Variants in KLHL4 observed in about 807,000 individuals in gnomAD.
KLHL4 encodes kelch-like protein 4.
In KLHL4, 17 loss-of-function variants were observed where a neutral mutation model predicts 45.8. That is an observed-to-expected ratio of 0.37 (90% CI 0.25 to 0.56). KLHL4 has a LOEUF of 0.56. KLHL4 is among the 20% of genes least tolerant of loss of function. The pLI, the probability that KLHL4 is intolerant of heterozygous loss-of-function variation, is 0.79. For missense variants in KLHL4, 544 were observed against 544.9 expected (o/e 1.00, Z 0.02); for synonymous variants, 224 against 189.9 (o/e 1.18, Z -1.47).
chrX:87,669,422 G>A lies in KLHL4; in HGVS notation c.*2888G>A. ...TCAGATCCTTTCTCCACACAGCAAT[G>A]ACATTTATCAATCTGACTCAGGTGT... On this transcript the variant is annotated 3_prime_UTR_variant, in exon 11 of 11. Transcript: ENST00000373119. 1 of 1,205,925 alleles carries A rather than the reference G, an allele frequency of 8.3e-7. No individual in the cohort carries two copies. The highest frequency in any genetic ancestry group is 1.1e-6 in the Non-Finnish European group (1 of 892,645).
chrX:87,563,597 C>A lies in KLHL4; in HGVS notation c.422+45282C>A, dbSNP rs1468345631. Reference sequence around the variant, plus strand: ...ACAGGCTATTTGAAAATACACAGTCCAAAGGAGACAAAAAAAAAAAAAAGG... The same window carrying A: ...ACAGGCTATTTGAAAATACACAGTCAAAAGGAGACAAAAAAAAAAAAAAGG... On this transcript the variant is annotated intron_variant, in intron 1 of 10. Transcript: ENST00000373119. Among the ~76,000 whole-genome samples the A allele has an allele frequency of 5.5e-5, 4 of 72,499 alleles. No homozygotes were observed. In the Admixed American group the frequency reaches 6.0e-4, roughly 11 times the overall value. The allele number at this position is 72,499 out of a possible 115,157, so 63.0% of individuals were successfully genotyped here.
At chrX:87,550,229 C>A (rs1394638794) in intron 1 of KLHL4, among the ~76,000 whole-genome samples, 2 of 110,595 alleles carry the variant, frequency 1.8e-5, no homozygotes, top group African/African-American at 6.6e-5. Context: ...CCTGAGCCGA[C>A]CAATAACAAG....
At chrX:87,632,144 T>C in intron 6 of KLHL4, 66 bp from the exon 7 acceptor site, 2 of 654,689 alleles carry the variant, frequency 3.1e-6, no homozygotes, top group Non-Finnish European at 4.8e-6. Context: ...AATTATAATG[T>C]GAATAATACC....
chrX:87,553,499 A>G (rs1323176768), intron 1 of KLHL4, among the ~76,000 whole-genome samples: 1 of 110,690 alleles, frequency 9.0e-6, no homozygotes, highest in Non-Finnish European at 1.9e-5. Context: ...ACAAATACCA[A>G]TTTTTGCATT....
intron 9 of KLHL4, among the ~76,000 whole-genome samples, chrX:87,658,006 G>T: frequency 8.9e-6 from 1 of 112,202 alleles, no homozygotes; most frequent in East Asian, 2.8e-4. Flanking sequence ...AATTTAGCAG[G>T]CGGCAGTGAG....
chrX:87,584,281 C>T (rs1462372346), intron 1 of KLHL4, among the ~76,000 whole-genome samples: 2 of 111,687 alleles, frequency 1.8e-5, no homozygotes, highest in Non-Finnish European at 3.8e-5. Flanking sequence ...AATAAATAGC[C>T]AACTCTTCAA....
Position 87,622,354 on chromosome X carries a change from T to C in KLHL4, c.1068T>C (p.Asp356=), listed in dbSNP as rs749168656. The C allele has an allele frequency of 8.3e-7, 1 of 1,209,999 alleles. No individual in the cohort carries two copies. Among genetic ancestry groups the C allele is most frequent in the Non-Finnish European group, 1.1e-6 (1 of 894,102 alleles). Residue 356 remains aspartate (D), a synonymous_variant, in exon 5 of 11, where the codon GAT becomes GAC. Transcript: ENST00000373119. The stretch of plus-strand genomic sequence containing the variant: ...CTCTAATGCAGTGGGTGGGGCATGA[T>C]GTGCAGAATAGGCAAGGAGAACTGG... ...FHALMQWVGH[D]VQNRQGELGM... is the part of the protein sequence containing the mutation.
chrX:87,625,324 G>A (rs764227718), intron 5 of KLHL4, among the ~76,000 whole-genome samples: 15 of 111,490 alleles, frequency 1.3e-4, no homozygotes, highest in Non-Finnish European at 1.7e-4. Context: ...TCTACCTCCC[G>A]GGCTCAAACG....
At chrX:87,600,732 C>T (rs1300235680) in intron 1 of KLHL4, among the ~76,000 whole-genome samples, 2 of 111,563 alleles carry the variant, frequency 1.8e-5, no homozygotes, top group Non-Finnish European at 3.8e-5. Flanking sequence ...GCATGAATAG[C>T]CTAACACAAG....
At chrX:87,554,995 G>A (rs1204186045) in intron 1 of KLHL4, among the ~76,000 whole-genome samples, 3 of 104,977 alleles carry the variant, frequency 2.9e-5, no homozygotes. Context: ...TTTGTCTTTG[G>A]TTCTGTTTAT....
intron 1 of KLHL4, among the ~76,000 whole-genome samples, chrX:87,519,055 G>A (rs763837958): frequency 9.0e-6 from 1 of 111,395 alleles, no homozygotes; most frequent in East Asian, 2.8e-4. Context: ...TATGCCCACC[G>A]GTATTGTTTG....
In KLHL4 at chrX:87,640,117, A is replaced by G. The variant is rs757626863; in HGVS notation, c.1925+4342A>G. On this transcript the variant is annotated intron_variant, in intron 9 of 10. Coordinates refer to ENST00000373119, the MANE Select transcript of KLHL4 (RefSeq NM_019117.5). The stretch of plus-strand genomic sequence containing the variant: ...AGGTGATGGATAAATTCCTAGAAAT[A>G]TACAACCATCCTAGATTAAACTAGG... Among the ~76,000 whole-genome samples, 8 of 111,242 alleles carry G rather than the reference A, an allele frequency of 7.2e-5. No homozygotes were observed. In the South Asian group the frequency reaches 2.3e-3, roughly 31 times the overall value.
At chrX:87,610,300 C>G (rs1414773232) in intron 1 of KLHL4, among the ~76,000 whole-genome samples, 1 of 112,154 alleles carries the variant, frequency 8.9e-6, no homozygotes, top group Non-Finnish European at 1.9e-5. Context: ...TAAAATAGTT[C>G]TGTTCAGGCA....
At position 87,606,441 on chromosome X, in the gene KLHL4, G is replaced by T. The variant is rs772601214; in HGVS notation, c.423-7436G>T. Among the ~76,000 whole-genome samples, 4 of 110,522 alleles carry T rather than the reference G, an allele frequency of 3.6e-5. No individual in the cohort carries two copies. The South Asian group carries it at 1.1e-3, about 31-fold the overall frequency. On this transcript the variant is annotated intron_variant, in intron 1 of 10. Coordinates refer to ENST00000373119, the MANE Select transcript of KLHL4 (RefSeq NM_019117.5). ...CAAAATATCAATGAAATTAAGAATTGGTTATTTGAAAAACTAAACAAAAAT... is the reference window on the plus strand; with the variant it reads ...CAAAATATCAATGAAATTAAGAATTTGTTATTTGAAAAACTAAACAAAAAT...
intron 10 of KLHL4, among the ~76,000 whole-genome samples, chrX:87,665,860 A>G (rs1312712424): frequency 9.0e-6 from 1 of 111,317 alleles, no homozygotes; most frequent in Non-Finnish European, 1.9e-5. Context: ...CAATAATCTG[A>G]TTCATTAAGA....
At chrX:87,663,679 G>GCTATGAAT (rs1157220097) in intron 9 of KLHL4, among the ~76,000 whole-genome samples, 1 of 112,416 alleles carries the variant, frequency 8.9e-6, no homozygotes, top group Non-Finnish European at 1.9e-5. Context: ...AGAGCATGCA[G>GCTATGAAT]CTATGAATTT....
intron 1 of KLHL4, 93 bp downstream of exon 1, chrX:87,518,408 A>G: frequency 2.6e-6 from 2 of 775,327 alleles, no homozygotes; most frequent in Non-Finnish European, 3.7e-6. Flanking sequence ...AAGTGTCATA[A>G]TAATCTCTGA....
chrX:87,549,072 A>G (rs528245907), intron 1 of KLHL4, among the ~76,000 whole-genome samples: 1 of 110,725 alleles, frequency 9.0e-6, no homozygotes, highest in Admixed American at 9.7e-5. Context: ...ATAAAGGGAT[A>G]GAAAAGAATA....
chrX:87,629,994 A>C (rs1467656087), intron 6 of KLHL4, among the ~76,000 whole-genome samples: 1 of 111,752 alleles, frequency 8.9e-6, no homozygotes, highest in African/African-American at 3.2e-5. Context: ...AGGAGGCAAT[A>C]ATGAAAGAGA....
Sources: allele counts gnomAD v4.1 joint callset (sites outside exome capture counted in the v4.1 genomes callset), GRCh38; gene constraint gnomAD v4.1.1; transcripts MANE v1.5; gene names NCBI Gene and HGNC (gene_info 2026-07-23, HGNC 2026-07-21).